Variants in NUP98 observed in about 807,000 individuals in gnomAD.
NUP98 encodes the protein nucleoporin 98 and 96 precursor.
A neutral mutation model predicts 191.9 loss-of-function variants in NUP98; 26 were observed. The observed-to-expected ratio is 0.14, with a 90% CI of 0.10 to 0.19. The LOEUF is 0.19. Among genes scored for constraint, NUP98 ranks in the 10% least tolerant of loss-of-function variants. NUP98 has a pLI of 1.00. For missense variants in NUP98, 1,941 were observed against 2,178.8 expected (o/e 0.89, Z 2.17); for synonymous variants, 808 against 778.4 (o/e 1.04, Z -0.63).
Position 3,723,415 on chromosome 11 carries a change from G to C in NUP98, c.1888C>G (p.Gln630Glu), listed in dbSNP as rs1440555442. ...LSKPVDENHQ[Q>E]DGDEDSLVSH... ...ACAAGGGAATCTTCATCTCCATCCTGCTGGTGATTCTCATCAACAGGTTTG... is the reference window on the plus strand; with the variant it reads ...ACAAGGGAATCTTCATCTCCATCCTCCTGGTGATTCTCATCAACAGGTTTG... The change falls in exon 16 of 33, where the codon CAG (glutamine) becomes GAG (glutamate). Residue 630 changes from glutamine to glutamate, a missense_variant. Physicochemically the swap from Gln to Glu is conservative, Grantham distance 29. Coordinates refer to ENST00000324932, the MANE Select transcript of NUP98 (RefSeq NM_016320.5). 1 of 1,614,084 alleles carries C rather than the reference G, an allele frequency of 6.2e-7. No individual in the cohort carries two copies. Among genetic ancestry groups the C allele is most frequent in the South Asian group, 1.1e-5 (1 of 91,082 alleles).
intron 16 of NUP98, among the ~76,000 whole-genome samples, chr11:3,722,068 A>G (rs1312853431): frequency 6.6e-6 from 1 of 151,052 alleles, no homozygotes; most frequent in Non-Finnish European, 1.5e-5. Flanking sequence ...ATTCATGTAG[A>G]GATACATACA....
intron 26 of NUP98, 105 bp downstream of exon 26, chr11:3,695,344 T>C: frequency 2.8e-6 from 3 of 1,054,800 alleles, no homozygotes; most frequent in Non-Finnish European, 3.9e-6. Context: ...AAACATTTTG[T>C]GTAACTGTGC....
intron 1 of NUP98, among the ~76,000 whole-genome samples, chr11:3,782,385 A>G (rs371403978): frequency 1.8e-4 from 28 of 152,162 alleles, no homozygotes; most frequent in Middle Eastern, 3.4e-3. Context: ...AGATCCCAAC[A>G]TTAACCATCC....
At chr11:3,720,975 AGT>A (rs55984201) in intron 16 of NUP98, 150 bp from the exon 17 acceptor site, 113,329 of 323,334 alleles carry the variant, frequency 0.35, 14,632 homozygotes, top group Admixed American at 0.52. Flanking sequence ...GGGGTGTGTG[AGT>A]GTGTGTGTGT....
At chr11:3,712,076 A>AT (rs2079036905) in intron 20 of NUP98, 1 of 1,049,862 alleles carries the variant, frequency 9.5e-7, no homozygotes, top group South Asian at 4.6e-5. Flanking sequence ...ATTATGTACT[A>AT]TTAAAATACA....
intron 10 of NUP98, among the ~76,000 whole-genome samples, chr11:3,756,562 A>C (rs542506677): frequency 2.0e-5 from 3 of 152,002 alleles, no homozygotes; most frequent in Non-Finnish European, 4.4e-5. Context: ...AGCTGGGATT[A>C]CAGGCATGCA....
In NUP98 at chr11:3,676,515, G is replaced by C. The variant is rs761785037; in HGVS notation, c.5179C>G (p.Gln1727Glu). 5 of 1,613,506 alleles carry C rather than the reference G, an allele frequency of 3.1e-6. No individual in the cohort carries two copies. Among genetic ancestry groups the C allele is most frequent in the Non-Finnish European group, 3.4e-6 (4 of 1,179,404 alleles). Residue 1727 changes from glutamine (Q) to glutamate (E), a missense_variant, in exon 32 of 33, where the codon CAG becomes GAG. Physicochemically the swap from Gln to Glu is conservative, Grantham distance 29. Around this residue, in one of 6 missense-constraint regions of NUP98, gnomAD observed 1,030 missense variants for 1,115.8 expected, o/e 0.92. Coordinates refer to ENST00000324932, the MANE Select transcript of NUP98 (RefSeq NM_016320.5). Reference sequence around the variant, plus strand: ...GAGGAGGTTAGAGGCTTACCTGACTGAGCCAGGCGATCTTTAGCACTGTAA... The same window carrying C: ...GAGGAGGTTAGAGGCTTACCTGACTCAGCCAGGCGATCTTTAGCACTGTAA... ...QCYSAKDRLA[Q>E]SDMAKRVANL...
rs767726042 is a variant in NUP98, at chr11:3,700,596, T to TAGTACACAA, written c.3742+13_3742+14insTTGTGTACT. 1 of 1,539,608 alleles carries TAGTACACAA rather than the reference T, an allele frequency of 6.5e-7. No individual in the cohort carries two copies. Among genetic ancestry groups the TAGTACACAA allele is most frequent in the Non-Finnish European group, 9.0e-7 (1 of 1,114,300 alleles). The stretch of plus-strand genomic sequence containing the variant: ...ATTGGGACATCAAACATTAGAAACA[T>TAGTACACAA]AGTGTGTACTCACTTTGTGCTTCTG... On this transcript the variant is annotated intron_variant, in intron 24 of 32. Transcript: ENST00000324932.
rs937994501 is a variant in NUP98 at position 3,695,385 on chromosome 11, C to G, written c.4167+64G>C. 29 of 1,395,154 alleles carry G rather than the reference C, an allele frequency of 2.1e-5. No individual in the cohort carries two copies. In the East Asian group the frequency reaches 7.4e-4, roughly 36 times the overall value. 86.4% of individuals were successfully genotyped at this position (1,395,154 alleles called of 1,614,324 possible). On this transcript the variant is annotated intron_variant, in intron 26 of 32. Transcript: ENST00000324932. ...TTACAAAGATCACTCCTTGCCTCAA[C>G]CTCAAACCAGCTTCAATTTATGAAA...
Position 3,725,995 on chromosome 11 carries a change from T to C in NUP98, c.1731-776A>G, listed in dbSNP as rs898277794. On this transcript the variant is annotated intron_variant, in intron 14 of 32. Coordinates refer to ENST00000324932, the MANE Select transcript of NUP98 (RefSeq NM_016320.5). ...ACCACCATGCCTGGCCACTGTTTTG[T>C]TGAAACAAGGTTTCGCCAGGTTGCC... Among the ~76,000 whole-genome samples, 4 of 152,298 alleles carry C rather than the reference T, an allele frequency of 2.6e-5. No individual in the cohort carries two copies. In the South Asian group the frequency reaches 6.2e-4, roughly 24 times the overall value.
intron 17 of NUP98, among the ~76,000 whole-genome samples, chr11:3,719,753 T>TTTTTCTTTTC (rs369045912): frequency 6.6e-6 from 1 of 151,848 alleles, no homozygotes; most frequent in Non-Finnish European, 1.5e-5. Flanking sequence ...AAAATCTGCA[T>TTTTTCTTTTC]TTTTCTTTTC....
At chr11:3,787,389 C>T (rs1435237688) in intron 1 of NUP98, among the ~76,000 whole-genome samples, 1 of 151,778 alleles carries the variant, frequency 6.6e-6, no homozygotes, top group East Asian at 1.9e-4. Context: ...CGAGACCAGA[C>T]TGGCCAATAG....
chr11:3,774,609 T>C (rs2081646285), intron 5 of NUP98, among the ~76,000 whole-genome samples: 1 of 151,964 alleles, frequency 6.6e-6, no homozygotes, highest in Non-Finnish European at 1.5e-5. Context: ...TCCCAGCTAC[T>C]TGGGAGGCTG....
chr11:3,790,926 G>C (rs1428521717), intron 1 of NUP98, among the ~76,000 whole-genome samples: 3 of 147,284 alleles, frequency 2.0e-5, no homozygotes, highest in Non-Finnish European at 3.0e-5. Context: ...GACAGAGTCT[G>C]GCTCTGTTGC....
chr11:3,687,889 G>A (rs1037167659), intron 28 of NUP98, among the ~76,000 whole-genome samples: 2 of 151,852 alleles, frequency 1.3e-5, no homozygotes, highest in African/African-American at 4.8e-5. Context: ...ACAAGGCTGG[G>A]TGCAGTGACT....
chr11:3,713,624 CAGA>C (rs908177826), intron 19 of NUP98, among the ~76,000 whole-genome samples, 191 bp downstream of exon 19: 59 of 152,228 alleles, frequency 3.9e-4, no homozygotes, highest in African/African-American at 1.3e-3. Flanking sequence ...GAGGCGGAGG[CAGA>C]AGGATTGCTT....
At chr11:3,770,549 G>T (rs373845897) in intron 7 of NUP98, among the ~76,000 whole-genome samples, 2 of 101,322 alleles carry the variant, frequency 2.0e-5, no homozygotes, top group African/African-American at 6.2e-5. Flanking sequence ...ATACGTATTT[G>T]TGTGTGTGTG....
intron 29 of NUP98, among the ~76,000 whole-genome samples, chr11:3,685,247 G>T (rs2078103009): frequency 6.6e-6 from 1 of 151,800 alleles, no homozygotes; most frequent in African/African-American, 2.4e-5. Flanking sequence ...CAGTGAAAAG[G>T]CATTTCTCCA....
chr11:3,732,112 G>A (rs1010334114), intron 13 of NUP98, among the ~76,000 whole-genome samples: 1 of 152,104 alleles, frequency 6.6e-6, no homozygotes, highest in Non-Finnish European at 1.5e-5. Context: ...CTGGACAGTG[G>A]AAGCGTGCAC....
Sources: gnomAD v4.1 joint callset for allele counts (sites outside exome capture counted in the v4.1 genomes callset) on GRCh38, gnomAD v4.1.1 for gene constraint, gnomAD v4.1.1 regional missense constraint, MANE v1.5 for transcripts, NCBI Gene and HGNC (gene_info 2026-07-23, HGNC 2026-07-21) for gene names.